Variants in LRP1B observed in about 807,000 individuals in gnomAD.
The protein encoded by LRP1B is low-density lipoprotein receptor-related protein 1B.
In LRP1B, 217 loss-of-function variants were observed where a neutral mutation model predicts 556.6. The ratio of observed to expected loss-of-function variants is 0.39; its 90% CI spans 0.35 to 0.44. The LOEUF is 0.44. Ranked by LOEUF, LRP1B falls within the 20% of genes least tolerant of loss-of-function variation. The pLI, the probability that LRP1B is intolerant of heterozygous loss-of-function variation, is 1.00. For synonymous variants in LRP1B, 2,047 were observed against 1,865.8 expected (o/e 1.10, Z -2.50); for missense variants, 5,053 against 5,620.8 (o/e 0.90, Z 3.23).
intron 25 of LRP1B, among the ~76,000 whole-genome samples, chr2:140,879,637 G>T (rs1693412693): frequency 6.6e-6 from 1 of 151,960 alleles, no homozygotes; most frequent in South Asian, 2.1e-4. Flanking sequence ...TATTTTAACA[G>T]AATCATTTTT....
chr2:141,183,311 C>T (rs1264782235), intron 7 of LRP1B, among the ~76,000 whole-genome samples: 1 of 151,990 alleles, frequency 6.6e-6, no homozygotes, highest in Admixed American at 6.6e-5. Context: ...TAGGCAAACC[C>T]GCTTCATTTG....
intron 1 of LRP1B, among the ~76,000 whole-genome samples, chr2:142,109,398 T>C (rs1305503668): frequency 6.6e-6 from 1 of 152,200 alleles, no homozygotes; most frequent in East Asian, 1.9e-4. Context: ...GTGGTTATGA[T>C]GTTAACTCAC....
Position 141,487,889 on chromosome 2 carries a change from G to T in LRP1B, c.206-7356C>A, listed in dbSNP as rs542293713. Among the ~76,000 whole-genome samples the T allele has an allele frequency of 2.6e-5, 4 of 152,192 alleles. No individual in the cohort carries two copies. In the South Asian group the frequency reaches 8.3e-4, roughly 32 times the overall value. ...AACAGCCATTTGCTTGTCTAAACTC[G>T]CATAAAGTACTTAACCTCACCAAGA... On this transcript the variant is annotated intron_variant, in intron 2 of 90. Coordinates refer to ENST00000389484, the MANE Select transcript of LRP1B (RefSeq NM_018557.3).
chr2:141,856,533 A>T, intron 1 of LRP1B, among the ~76,000 whole-genome samples: 1 of 152,176 alleles, frequency 6.6e-6, no homozygotes, highest in East Asian at 1.9e-4. Context: ...TCTGAAAGCT[A>T]AACACAAATT....
intron 2 of LRP1B, among the ~76,000 whole-genome samples, chr2:141,605,803 G>A (rs1012179155): frequency 2.6e-5 from 4 of 152,092 alleles, no homozygotes; most frequent in African/African-American, 9.7e-5. Flanking sequence ...AGTATATATG[G>A]CCTGTCCTTT....
chr2:141,008,488 T>A lies in LRP1B; in HGVS notation c.2381-3031A>T, dbSNP rs932639720. ...AATTGTGCTCTCAAACACTAACTTA[T>A]TTATATATAAAATAAAATTAGATCG... On this transcript the variant is annotated intron_variant, in intron 14 of 90. Transcript: ENST00000389484. Among the ~76,000 whole-genome samples the A allele has an allele frequency of 2.6e-5, 4 of 151,464 alleles. No homozygotes were observed. In the Admixed American group the frequency reaches 2.6e-4, roughly 10 times the overall value.
intron 66 of LRP1B, among the ~76,000 whole-genome samples, chr2:140,411,547 G>GAAAT (rs1684969228): frequency 6.6e-6 from 1 of 151,988 alleles, no homozygotes; most frequent in Non-Finnish European, 1.5e-5. Context: ...TTAAGATTTA[G>GAAAT]AAATAGCCAC....
intron 2 of LRP1B, among the ~76,000 whole-genome samples, chr2:141,672,799 C>T (rs146827569): frequency 6.6e-6 from 1 of 152,290 alleles, no homozygotes; most frequent in Non-Finnish European, 1.5e-5. Flanking sequence ...ACATCTAATA[C>T]TTATCTAATG....
intron 3 of LRP1B, among the ~76,000 whole-genome samples, chr2:141,396,781 G>A (rs913608594): frequency 1.3e-4 from 20 of 151,848 alleles, no homozygotes; most frequent in African/African-American, 4.6e-4. Context: ...TAGACAAAAC[G>A]ATCCCTAGAA....
At chr2:141,149,731 T>C (rs905641276) in intron 7 of LRP1B, among the ~76,000 whole-genome samples, 14 of 152,258 alleles carry the variant, frequency 9.2e-5, no homozygotes, top group Non-Finnish European at 1.9e-4. Flanking sequence ...ATGATGAGAA[T>C]TCTATACTTC....
chr2:141,760,271 A>G (rs367687403), intron 2 of LRP1B, among the ~76,000 whole-genome samples: 1 of 152,304 alleles, frequency 6.6e-6, no homozygotes, highest in Admixed American at 6.5e-5. Context: ...CATTTGATGG[A>G]ATACTAAGAC....
intron 32 of LRP1B, among the ~76,000 whole-genome samples, chr2:140,794,754 C>T (rs978967720): frequency 3.3e-5 from 5 of 151,960 alleles, no homozygotes; most frequent in Admixed American, 2.0e-4. Flanking sequence ...GCTGGTATTA[C>T]AGGCATGAGC....
At chr2:140,629,782 T>C (rs1683812384) in intron 41 of LRP1B, among the ~76,000 whole-genome samples, 1 of 152,190 alleles carries the variant, frequency 6.6e-6, no homozygotes, top group Non-Finnish European at 1.5e-5. Context: ...TGGAATGGGA[T>C]TGGCACTTAC....
intron 1 of LRP1B, among the ~76,000 whole-genome samples, chr2:142,053,089 C>G (rs1704522174): frequency 6.6e-6 from 1 of 152,036 alleles, no homozygotes; most frequent in Non-Finnish European, 1.5e-5. Flanking sequence ...AAATAAGATC[C>G]TTTGTTTTTC....
chr2:140,553,636 G>A (rs957843915), intron 43 of LRP1B, among the ~76,000 whole-genome samples: 1 of 152,016 alleles, frequency 6.6e-6, no homozygotes, highest in African/African-American at 2.4e-5. Flanking sequence ...AGTTAAGCCT[G>A]AAGCAAGAAA....
intron 47 of LRP1B, among the ~76,000 whole-genome samples, chr2:140,529,467 T>A (rs1004863242): frequency 3.3e-5 from 5 of 151,738 alleles, no homozygotes; most frequent in Non-Finnish European, 5.9e-5. Flanking sequence ...CTCTCATATC[T>A]CCTTTTCATT....
chr2:142,018,153 A>T (rs1703213506), intron 1 of LRP1B, among the ~76,000 whole-genome samples: 1 of 152,116 alleles, frequency 6.6e-6, no homozygotes, highest in Non-Finnish European at 1.5e-5. Flanking sequence ...ACTAGTATTT[A>T]TGTGTTTTAC....
rs2104870464 is a variant in LRP1B, at chr2:140,233,200, C to T, written c.13786G>A (p.Glu4596Lys). The change falls in exon 91 of 91, where the codon GAG (glutamate) becomes AAG (lysine). Residue 4596 changes from glutamate to lysine, a missense_variant. By Grantham distance (56) the Glu-to-Lys change is moderately conservative. This residue lies in a region of LRP1B where 551 missense variants were observed against 592.0 expected (regional missense o/e 0.93). Coordinates refer to ENST00000389484, the MANE Select transcript of LRP1B (RefSeq NM_018557.3). ...GATATCACTGATTATGCCACTGTCT[C>T]TCTTATACCAATTTCTATTTTCTTT... ...LPKKIEIGIRETVA is the reference protein window; with the variant it reads ...LPKKIEIGIRKTVA 1 of 1,598,596 alleles carries T rather than the reference C, an allele frequency of 6.3e-7. No individual in the cohort carries two copies. Among genetic ancestry groups the T allele is most frequent in the Non-Finnish European group, 8.6e-7 (1 of 1,169,028 alleles).
chr2:141,044,775 T>G (rs1698816895), intron 11 of LRP1B, among the ~76,000 whole-genome samples: 2 of 148,204 alleles, frequency 1.3e-5, no homozygotes, highest in African/African-American at 4.9e-5. Context: ...AAACAACAGG[T>G]GCTGGAGAGG....
Sources: gnomAD v4.1 joint callset for allele counts (sites outside exome capture counted in the v4.1 genomes callset) on GRCh38, gnomAD v4.1.1 for gene constraint, gnomAD v4.1.1 regional missense constraint, MANE v1.5 for transcripts, NCBI Gene and HGNC (gene_info 2026-07-23, HGNC 2026-07-21) for gene names.